The following MDGA2 variants were observed in gnomAD, a reference collection of about 807,000 sequenced individuals.
MDGA2 encodes MAM domain-containing glycosylphosphatidylinositol anchor protein 2.
Under a neutral mutation model 117.8 loss-of-function variants are expected in MDGA2, and 40 were observed. The ratio of observed to expected loss-of-function variants is 0.34; its 90% CI spans 0.26 to 0.44. The LOEUF (loss-of-function observed/expected upper bound fraction) is 0.44. MDGA2 is among the 20% of genes least tolerant of loss of function. MDGA2 has a pLI of 1.00. For missense variants in MDGA2, 1,123 were observed against 1,250.6 expected, an observed-to-expected ratio of 0.90 and a Z score of 1.54; for synonymous variants, 452 against 439.0, an observed-to-expected ratio of 1.03 and a Z score of -0.37.
intron 8 of MDGA2, among the ~76,000 whole-genome samples, chr14:46,974,116 C>T (rs1886367800): frequency 6.6e-6 from 1 of 151,666 alleles, no homozygotes; most frequent in Non-Finnish European, 1.5e-5. Context: ...ATAATAGTAT[C>T]AAAAGTAGTA....
chr14:47,024,624 G>A (rs558787065), intron 8 of MDGA2, among the ~76,000 whole-genome samples: 3 of 151,978 alleles, frequency 2.0e-5, no homozygotes, highest in East Asian at 1.9e-4. Context: ...TTTAAAACTC[G>A]TATTTCATTG....
chr14:47,640,247 G>A (rs1307250009), intron 1 of MDGA2, among the ~76,000 whole-genome samples: 1 of 152,074 alleles, frequency 6.6e-6, no homozygotes, highest in Non-Finnish European at 1.5e-5. Context: ...AATCATTTCT[G>A]CTCCCTGATG....
intron 1 of MDGA2, among the ~76,000 whole-genome samples, chr14:47,531,529 C>G (rs1895100579): frequency 6.6e-6 from 1 of 152,210 alleles, no homozygotes. Context: ...CCTATCTGAA[C>G]TTCAATCCCT....
chr14:47,178,725 A>G (rs1485361609), intron 3 of MDGA2, among the ~76,000 whole-genome samples: 1 of 152,164 alleles, frequency 6.6e-6, no homozygotes, highest in Admixed American at 6.6e-5. Context: ...ATCAGAAACA[A>G]TTATGTTATA....
chr14:47,463,823 T>C (rs1893542389), intron 1 of MDGA2, among the ~76,000 whole-genome samples: 1 of 152,156 alleles, frequency 6.6e-6, no homozygotes, highest in Admixed American at 6.6e-5. Flanking sequence ...TTGTTTTGAT[T>C]GCTTTCCTAT....
Position 47,494,947 on chromosome 14 carries a change from A to AT in MDGA2, c.280+179569dup, listed in dbSNP as rs561970808. Reference sequence around the variant, plus strand: ...ATATATATTTTACATATACACACACATATATATACACACGTCACATTTTCA... The same window carrying AT: ...ATATATATTTTACATATACACACACATTATATATACACACGTCACATTTTCA... On this transcript the variant is annotated intron_variant, in intron 1 of 16. Transcript: ENST00000399232. 1.5e-3 allele frequency among the ~76,000 whole-genome samples: 230 copies of AT among 151,066 alleles called. 1 individual carries two copies. Among genetic ancestry groups the AT allele is most frequent in the Non-Finnish European group, 2.7e-3 (183 of 67,766 alleles).
intron 3 of MDGA2, among the ~76,000 whole-genome samples, chr14:47,158,359 GGTGGGTGTGTGTGTGTGT>G (rs1311761710): frequency 8.3e-6 from 1 of 119,984 alleles, no homozygotes; most frequent in East Asian, 2.4e-4. Flanking sequence ...ATATCCCTGG[GGTGGGTGTGTGTGTGTGT>G]GTGTGTGTGT....
chr14:47,482,029 T>C (rs1354676476), intron 1 of MDGA2, among the ~76,000 whole-genome samples: 1 of 152,042 alleles, frequency 6.6e-6, no homozygotes, highest in Non-Finnish European at 1.5e-5. Context: ...TTTAGTAAGA[T>C]ATTGTAAATA....
chr14:47,002,268 G>T (rs1306173285), intron 8 of MDGA2, among the ~76,000 whole-genome samples: 1 of 151,962 alleles, frequency 6.6e-6, no homozygotes, highest in African/African-American at 2.4e-5. Flanking sequence ...TCATGAATAT[G>T]GTCTGAAGTC....
intron 3 of MDGA2, among the ~76,000 whole-genome samples, chr14:47,165,893 T>A (rs971026172): frequency 6.6e-6 from 1 of 152,162 alleles, no homozygotes; most frequent in Non-Finnish European, 1.5e-5. Context: ...AACACACATT[T>A]TTGTTCTACC....
At chr14:46,983,183 G>C (rs994307994) in intron 8 of MDGA2, among the ~76,000 whole-genome samples, 32 of 152,006 alleles carry the variant, frequency 2.1e-4, no homozygotes, top group Admixed American at 2.0e-3. Context: ...CACTCCTAAA[G>C]AAATATTCTA....
intron 1 of MDGA2, among the ~76,000 whole-genome samples, chr14:47,501,528 T>A (rs891366892): frequency 3.3e-5 from 5 of 152,142 alleles, no homozygotes; most frequent in Non-Finnish European, 5.9e-5. Context: ...TATATTTGAG[T>A]CCTAACTCTC....
intron 1 of MDGA2, among the ~76,000 whole-genome samples, chr14:47,458,897 G>A (rs1241419595): frequency 6.7e-6 from 1 of 150,180 alleles, no homozygotes; most frequent in African/African-American, 2.5e-5. Flanking sequence ...GAGATGCAGC[G>A]CTTCCAGTTC....
intron 1 of MDGA2, among the ~76,000 whole-genome samples, chr14:47,662,950 G>C (rs1387752129): frequency 1.3e-5 from 2 of 152,172 alleles, no homozygotes; most frequent in African/African-American, 4.8e-5. Flanking sequence ...GATTAATTGG[G>C]ACAAAGACCT....
intron 10 of MDGA2, among the ~76,000 whole-genome samples, chr14:46,888,346 C>A (rs1882747926): frequency 6.6e-6 from 1 of 151,822 alleles, no homozygotes; most frequent in South Asian, 2.1e-4. Flanking sequence ...CAGCAGATGA[C>A]AATCCCAGAT....
intron 1 of MDGA2, among the ~76,000 whole-genome samples, chr14:47,566,175 A>T (rs76375280): frequency 6.6e-6 from 1 of 152,178 alleles, no homozygotes; most frequent in South Asian, 2.1e-4. Context: ...TGGTGGAAGA[A>T]GGACATGTGT....
chr14:47,233,364 GT>G lies in MDGA2; in HGVS notation c.421-15170del, dbSNP rs550390096. On this transcript the variant is annotated intron_variant, in intron 2 of 16. Transcript: ENST00000399232. ...ACAAAACCGATATATTAAAATCTAT[GT>G]CAAAATTACAATGCGTATGATAAAG... Among the ~76,000 whole-genome samples, 139 of 152,164 alleles carry G rather than the reference GT, an allele frequency of 9.1e-4. 1 individual carries two copies. The highest frequency in any genetic ancestry group is 7.9e-3 in the East Asian group (41 of 5,186).
At chr14:47,510,754 C>T (rs972265697) in intron 1 of MDGA2, among the ~76,000 whole-genome samples, 6 of 152,218 alleles carry the variant, frequency 3.9e-5, no homozygotes, top group African/African-American at 1.4e-4. Flanking sequence ...CTTACAGGAG[C>T]TGGCTCCTGT....
chr14:47,028,544 A>C (rs1187167425), intron 8 of MDGA2, among the ~76,000 whole-genome samples: 1 of 152,190 alleles, frequency 6.6e-6, no homozygotes, highest in Non-Finnish European at 1.5e-5. Flanking sequence ...TTTACTTTGA[A>C]GCTCTAAATT....
Sources: allele counts gnomAD v4.1 joint callset (sites outside exome capture counted in the v4.1 genomes callset), GRCh38; gene constraint gnomAD v4.1.1; transcripts MANE v1.5; gene names NCBI Gene and HGNC (gene_info 2026-07-23, HGNC 2026-07-21).